The following FOXN3 variants were observed in gnomAD, a reference collection of about 807,000 sequenced individuals.
FOXN3 encodes the protein forkhead box N3.
A neutral mutation model predicts 38.4 loss-of-function variants in FOXN3; 7 were observed. The ratio of observed to expected loss-of-function variants is 0.18; its 90% CI spans 0.10 to 0.34. The LOEUF (loss-of-function observed/expected upper bound fraction) is 0.34, where lower values mean the gene tolerates loss of function less well. Ranked by LOEUF, FOXN3 falls within the 10% of genes least tolerant of loss-of-function variation. The pLI is 1.00. For missense variants in FOXN3, 456 were observed against 613.4 expected, an observed-to-expected ratio of 0.74 and a Z score of 2.71; for synonymous variants, 230 against 242.2, an observed-to-expected ratio of 0.95 and a Z score of 0.47.
chr14:89,162,816 G>C lies in FOXN3; in HGVS notation c.1005C>G (p.Ser335=). The part of the protein sequence containing the change: ...STSPTSDSIS[S]SSSSADDHYE... The stretch of plus-strand genomic sequence containing the variant: ...AGTGGTCGTCGGCTGAGGAGGAGGA[G>C]GAGGAGATGGAGTCGCTGGTGGGCG... Residue 335 remains serine (S), a synonymous_variant, in exon 6 of 6, where the codon TCC becomes TCG. Coordinates refer to ENST00000557258, the MANE Select transcript of FOXN3 (RefSeq NM_005197.4). This position sits in a 1 kb window ranked among gnomAD's most constrained non-coding sequence, Gnocchi z 7.2. The C allele has an allele frequency of 1.2e-6, 2 of 1,612,450 alleles. No individual in the cohort carries two copies. The highest frequency in any genetic ancestry group is 1.7e-6 in the Non-Finnish European group (2 of 1,179,988).
chr14:89,587,802 G>A (rs1423572185), intron 1 of FOXN3, among the ~76,000 whole-genome samples: 1 of 149,436 alleles, frequency 6.7e-6, no homozygotes, highest in Admixed American at 6.7e-5. Context: ...GTAGGCAGAG[G>A]TTGCAGTGAG....
chr14:89,407,017 C>T (rs938008014), intron 2 of FOXN3, among the ~76,000 whole-genome samples: 2 of 129,388 alleles, frequency 1.5e-5, no homozygotes, highest in Non-Finnish European at 3.3e-5. Context: ...AAAAAAAAAA[C>T]TAATGAGAAA....
At chr14:89,588,097 T>C (rs914416046) in intron 1 of FOXN3, among the ~76,000 whole-genome samples, 4 of 152,092 alleles carry the variant, frequency 2.6e-5, no homozygotes, top group Non-Finnish European at 4.4e-5. Flanking sequence ...ACCATCCTCT[T>C]GGTGCAATCT....
chr14:89,556,607 C>T (rs1170984447), intron 1 of FOXN3, among the ~76,000 whole-genome samples: 10 of 152,138 alleles, frequency 6.6e-5, no homozygotes, highest in South Asian at 6.2e-4. Context: ...TAAATGAATG[C>T]ACCAACTCCT....
intron 3 of FOXN3, among the ~76,000 whole-genome samples, chr14:89,326,981 T>TGCTCACACACGCAC (rs1172108080): frequency 3.3e-5 from 5 of 152,164 alleles, no homozygotes; most frequent in Non-Finnish European, 7.3e-5. Flanking sequence ...CACACACACA[T>TGCTCACACACGCAC]GCTCACACAC....
chr14:89,301,676 G>A (rs1368288463), intron 3 of FOXN3, among the ~76,000 whole-genome samples: 1 of 152,020 alleles, frequency 6.6e-6, no homozygotes, highest in Non-Finnish European at 1.5e-5. Flanking sequence ...GCTGAGGTAG[G>A]AGAACTGCTT....
intron 1 of FOXN3, among the ~76,000 whole-genome samples, chr14:89,517,863 CGT>C (rs1191083205): frequency 2.0e-5 from 3 of 152,148 alleles, no homozygotes; most frequent in Admixed American, 2.0e-4. Context: ...AAAGACAGCC[CGT>C]GTGTATTGGC....
intron 2 of FOXN3, among the ~76,000 whole-genome samples, chr14:89,352,422 A>C (rs1182245370): frequency 6.6e-6 from 1 of 152,174 alleles, no homozygotes; most frequent in Admixed American, 6.5e-5. Flanking sequence ...CCAAAAGCTA[A>C]GGAGTGGAGA....
At chr14:89,236,963 C>T (rs769633780) in intron 4 of FOXN3, among the ~76,000 whole-genome samples, 1 of 152,212 alleles carries the variant, frequency 6.6e-6, no homozygotes, top group African/African-American at 2.4e-5. Flanking sequence ...AAGAACCTCT[C>T]TCTTCCATCA....
intron 1 of FOXN3, among the ~76,000 whole-genome samples, chr14:89,595,389 C>T (rs1896038140): frequency 6.6e-6 from 1 of 150,724 alleles, no homozygotes; most frequent in Admixed American, 6.6e-5. Context: ...TTATTTAGGT[C>T]TTTAATTTAT....
intron 3 of FOXN3, among the ~76,000 whole-genome samples, chr14:89,308,870 C>G (rs569925162): frequency 2.0e-5 from 3 of 152,162 alleles, no homozygotes; most frequent in Non-Finnish European, 4.4e-5. Flanking sequence ...GCAGGGGAGC[C>G]TGGTTCCTGC....
At chr14:89,215,761 G>A (rs1884259471) in intron 4 of FOXN3, among the ~76,000 whole-genome samples, 1 of 152,182 alleles carries the variant, frequency 6.6e-6, no homozygotes, top group South Asian at 2.1e-4. Flanking sequence ...AGGAGAATTT[G>A]TTGGCCCAAG....
At chr14:89,527,893 G>C (rs184039055) in intron 1 of FOXN3, among the ~76,000 whole-genome samples, 2 of 151,840 alleles carry the variant, frequency 1.3e-5, no homozygotes, top group Admixed American at 6.6e-5. Flanking sequence ...GTAGAGACAG[G>C]GTTTTGCCAT....
At chr14:89,186,043 C>T (rs1887798251) in intron 4 of FOXN3, among the ~76,000 whole-genome samples, 1 of 152,226 alleles carries the variant, frequency 6.6e-6, no homozygotes, top group African/African-American at 2.4e-5. Flanking sequence ...CTAAAATTAA[C>T]CTCTGAGCTC....
intron 3 of FOXN3, among the ~76,000 whole-genome samples, chr14:89,303,789 T>C (rs1887293389): frequency 6.6e-6 from 1 of 152,244 alleles, no homozygotes; most frequent in Admixed American, 6.5e-5. Flanking sequence ...TACATCGCCT[T>C]CTTCTCAGAA....
chr14:89,232,388 G>A (rs188959432), intron 4 of FOXN3, among the ~76,000 whole-genome samples: 4 of 152,184 alleles, frequency 2.6e-5, no homozygotes, highest in Admixed American at 2.0e-4. Context: ...TTACTGCCTC[G>A]GCTATTACAG....
At chr14:89,531,066 TTA>T (rs569800264) in intron 1 of FOXN3, among the ~76,000 whole-genome samples, 27 of 146,844 alleles carry the variant, frequency 1.8e-4, no homozygotes, top group Non-Finnish European at 3.6e-4. Context: ...CACATATATA[TTA>T]TATATACACA....
At chr14:89,363,992 T>C (rs1890047608) in intron 2 of FOXN3, among the ~76,000 whole-genome samples, 1 of 107,656 alleles carries the variant, frequency 9.3e-6, no homozygotes, top group Non-Finnish European at 1.9e-5. Context: ...ATATATAATA[T>C]ATATATATAT....
At position 89,478,931 on chromosome 14, in the gene FOXN3, CAA is replaced by C. The variant is rs59945805; in HGVS notation, c.-14-66443_-14-66442del. 6.2e-3 allele frequency among the ~76,000 whole-genome samples: 335 copies of C among 54,208 alleles called. 4 individuals carry two copies. The highest frequency in any genetic ancestry group is 0.018 in the African/African-American group (285 of 16,236). 35.6% of individuals were successfully genotyped at this position (54,208 alleles called of 152,430 possible). A position where few individuals can be genotyped will look rare whatever the true frequency, so the allele number is the denominator to read the frequency against. Reference sequence around the variant, plus strand: ...TGGGTGAGAGAGCGAGACTCCATCTCAAAAAAAAAAAAAAAAAAATTACCACA... The same window carrying C: ...TGGGTGAGAGAGCGAGACTCCATCTCAAAAAAAAAAAAAAAAATTACCACA... On this transcript the variant is annotated intron_variant, in intron 1 of 6. Transcript: ENST00000345097.
Sources: allele counts gnomAD v4.1 joint callset (sites outside exome capture counted in the v4.1 genomes callset), GRCh38; gene constraint gnomAD v4.1.1; non-coding constraint Gnocchi (gnomAD v3.1); transcripts MANE v1.5; gene names NCBI Gene and HGNC (gene_info 2026-07-23, HGNC 2026-07-21).